The following MUC17 variants were observed in gnomAD, a reference collection of about 807,000 sequenced individuals.
MUC17 encodes mucin-17.
MUC17 carries 190 observed loss-of-function variants against 170.3 expected under a neutral mutation model. That is an observed-to-expected ratio of 1.12 (90% CI 0.99 to 1.26). MUC17 has a LOEUF of 1.26. MUC17 is among the 50% of genes most tolerant of loss of function. The pLI, the probability that MUC17 is intolerant of heterozygous loss-of-function variation, is 0.00. For synonymous variants in MUC17, 2,325 were observed against 2,002.5 expected, an observed-to-expected ratio of 1.16 and a Z score of -4.30; for missense variants, 6,415 against 5,530.0, an observed-to-expected ratio of 1.16 and a Z score of -5.08.
intron 1 of MUC17, among the ~76,000 whole-genome samples, chr7:101,023,486 A>G (rs1794129650): frequency 6.6e-6 from 1 of 152,124 alleles, no homozygotes; most frequent in African/African-American, 2.4e-5. Flanking sequence ...TCCCAGGTTC[A>G]AGTGATTCTC....
At chr7:101,053,517 C>T (rs949900170) in intron 11 of MUC17, 81 bp downstream of exon 11, 4 of 1,145,116 alleles carry the variant, frequency 3.5e-6, no homozygotes, top group African/African-American at 3.1e-5. Flanking sequence ...TCTGTAATCC[C>T]AGCACTTTGA....
Position 101,039,640 on chromosome 7 carries a change from C to A in MUC17, c.8224C>A (p.Arg2742=). The A allele has an allele frequency of 3.7e-6, 6 of 1,612,558 alleles. No homozygotes were observed. The highest frequency in any genetic ancestry group is 4.2e-6 in the Non-Finnish European group (5 of 1,179,584). ...TACAACTGCTGAAGGTACCAGCATG[C>A]GAATCTCAACTCCTAGTGATGGAAG... ...SPTTAEGTSM[R]ISTPSDGSTP... Residue 2742 remains arginine (R), a synonymous_variant, in exon 3 of 13, where the codon CGA becomes AGA. Coordinates refer to ENST00000306151, the MANE Select transcript of MUC17 (RefSeq NM_001040105.2).
At position 101,056,097 on chromosome 7, in the gene MUC17, A is replaced by T. The variant is rs1795038716; in HGVS notation, c.13364-97A>T. ...TTTGCAGTTTCCTAGGGGTAGAGAA[A>T]AACTGTCTCATCCTCCATCAGATGG... On this transcript the variant is annotated intron_variant, in intron 11 of 12. Transcript: ENST00000306151. 4 of 1,557,298 alleles carry T rather than the reference A, an allele frequency of 2.6e-6. No homozygotes were observed. The Admixed American group carries it at 5.4e-5, about 21-fold the overall frequency.
rs752257608 is a variant in MUC17, at chr7:101,041,278, G to A, written c.9862G>A (p.Val3288Ile). The stretch of plus-strand genomic sequence containing the variant: ...AAGCACTCCATTAACAAGTATGCCT[G>A]TCAGCACCACAACGGTGGCCAGTTC... ...EGSTPLTSMP[V>I]STTTVASSET... Residue 3288 changes from valine (V) to isoleucine (I), a missense_variant, in exon 3 of 13, where the codon GTC becomes ATC. Transcript: ENST00000306151. 1 of 1,609,740 alleles carries A rather than the reference G, an allele frequency of 6.2e-7. No individual in the cohort carries two copies. The highest frequency in any genetic ancestry group is 1.1e-5 in the South Asian group (1 of 90,762).
chr7:101,039,091 G>A lies in MUC17; in HGVS notation c.7675G>A (p.Ala2559Thr), dbSNP rs148952150. The A allele has an allele frequency of 5.1e-5, 83 of 1,613,030 alleles. No homozygotes were observed. Among genetic ancestry groups the A allele is most frequent in the Non-Finnish European group, 6.4e-5 (75 of 1,179,882 alleles). The change falls in exon 3 of 13, where the codon GCT becomes ACT. Residue 2559 changes from alanine (A) to threonine (T), a missense_variant. Coordinates refer to ENST00000306151, the MANE Select transcript of MUC17 (RefSeq NM_001040105.2). The stretch of plus-strand genomic sequence containing the variant: ...TGAAATCAGTTCATCTGCTACATCC[G>A]CTGAAGGTACCAGCATGCCTACCTC... ...STEISSSATS[A>T]EGTSMPTSTY...
At chr7:101,052,478 T>C (rs1193879409) in intron 9 of MUC17, among the ~76,000 whole-genome samples, 1 of 151,918 alleles carries the variant, frequency 6.6e-6, no homozygotes, top group Non-Finnish European at 1.5e-5. Context: ...AGTAGTTAAT[T>C]TGGGAAGGCT....
In MUC17 at chr7:101,033,413, C is replaced by G. The variant is rs1465920456; in HGVS notation, c.1997C>G (p.Ala666Gly). 6.2e-7 allele frequency: 1 copy of G among 1,613,348 alleles called. No homozygotes were observed. The highest frequency in any genetic ancestry group is 8.5e-7 in the Non-Finnish European group (1 of 1,179,666). Reference sequence around the variant, plus strand: ...ACTCCTGTGACCACTTCAACTGAAGCCACTTCATCTTCTACAACTGCGGAA... The same window carrying G: ...ACTCCTGTGACCACTTCAACTGAAGGCACTTCATCTTCTACAACTGCGGAA... ...SNTPVTTSTE[A>G]TSSSTTAEGT... Residue 666 changes from alanine (A) to glycine (G), a missense_variant, in exon 3 of 13, where the codon GCC becomes GGC. Physicochemically the swap from Ala to Gly is moderately conservative, Grantham distance 60. Coordinates refer to ENST00000306151, the MANE Select transcript of MUC17 (RefSeq NM_001040105.2).
intron 1 of MUC17, among the ~76,000 whole-genome samples, chr7:101,030,870 A>C (rs1401088861): frequency 2.0e-5 from 3 of 152,184 alleles, no homozygotes; most frequent in Non-Finnish European, 4.4e-5. Context: ...AAAGTGCTGG[A>C]ACTACGGGCA....
chr7:101,036,184 G>T lies in MUC17; in HGVS notation c.4768G>T (p.Ala1590Ser). 1.9e-6 allele frequency: 3 copies of T among 1,613,690 alleles called. No homozygotes were observed. Among genetic ancestry groups the T allele is most frequent in the Non-Finnish European group, 2.5e-6 (3 of 1,179,946 alleles). ...CACCATGCTGGTGGTCAGTTCTGAG[G>T]CTAACACCCTTTCAACAACCCCTAT... The part of the protein sequence containing the change: ...VSTMLVVSSE[A>S]NTLSTTPIDS... Residue 1590 changes from alanine (A) to serine (S), a missense_variant, in exon 3 of 13, where the codon GCT becomes TCT. Physicochemically the swap from Ala to Ser is moderately conservative, Grantham distance 99. Transcript: ENST00000306151.
In MUC17 at chr7:101,045,984, G is replaced by A. The variant is rs574222763; in HGVS notation, c.12404-2000G>A. ...AGACTGTTGAGCAATGGGTGAACGC[G>A]CCCCAGCATCTGCTTCTGTTGTTTC... On this transcript the variant is annotated intron_variant, in intron 3 of 12. Coordinates refer to ENST00000306151, the MANE Select transcript of MUC17 (RefSeq NM_001040105.2). Among the ~76,000 whole-genome samples, 7 of 152,266 alleles carry A rather than the reference G, an allele frequency of 4.6e-5. 1 individual carries two copies. The East Asian group carries it at 5.8e-4, about 13-fold the overall frequency.
In MUC17 at chr7:101,042,712, A is replaced by G; in HGVS notation, c.11296A>G (p.Thr3766Ala). Reference protein sequence around the residue: ...TTILVSTTPVTRFPESSTPSI... With the variant: ...TTILVSTTPVARFPESSTPSI... ...TATTCTTGTCAGTACCACACCTGTT[A>G]CGAGGTTTCCTGAGAGTAGCACCCC... The change falls in exon 3 of 13, where the codon ACG becomes GCG. Residue 3766 changes from threonine to alanine, a missense_variant. Physicochemically the swap from Thr to Ala is moderately conservative, Grantham distance 58. Coordinates refer to ENST00000306151, the MANE Select transcript of MUC17 (RefSeq NM_001040105.2). 1 of 1,613,856 alleles carries G rather than the reference A, an allele frequency of 6.2e-7. No individual in the cohort carries two copies. The highest frequency in any genetic ancestry group is 8.5e-7 in the Non-Finnish European group (1 of 1,180,030).
At position 101,033,694 on chromosome 7, in the gene MUC17, A is replaced by T; in HGVS notation, c.2278A>T (p.Thr760Ser). 1.2e-6 allele frequency: 2 copies of T among 1,600,628 alleles called. No homozygotes were observed. The highest frequency in any genetic ancestry group is 2.3e-5 in the East Asian group (1 of 44,240). ...TATGCCTGTCAGCAAAACGCTGTTG[A>T]CCAGTTCTGAGGCTAGCACCCTTTC... ...TSMPVSKTLLTSSEASTLSTT... is the reference protein window; with the variant it reads ...TSMPVSKTLLSSSEASTLSTT... The change falls in exon 3 of 13, where the codon ACC (threonine) becomes TCC (serine). Residue 760 changes from threonine (T) to serine (S), a missense_variant. Coordinates refer to ENST00000306151, the MANE Select transcript of MUC17 (RefSeq NM_001040105.2).
chr7:101,050,687 A>G (rs771271728), intron 7 of MUC17, 52 bp downstream of exon 7: 2 of 1,587,332 alleles, frequency 1.3e-6, no homozygotes, highest in East Asian at 4.5e-5. Context: ...GAGCTGGGGC[A>G]TGACTTTCTT....
chr7:101,030,982 G>T, intron 1 of MUC17, 138 bp from the exon 2 acceptor site: 1 of 1,073,992 alleles, frequency 9.3e-7, no homozygotes, highest in South Asian at 2.2e-5. Flanking sequence ...GGGTCCTGAT[G>T]GCTGATTTCT....
Position 101,035,180 on chromosome 7 carries a change from A to G in MUC17, c.3764A>G (p.Glu1255Gly), listed in dbSNP as rs1356602507. ...AGCACACCTGTGACCACTTCTGCTG[A>G]AACCAGTTCCTCTCCTACAACCGCT... The part of the protein sequence containing the change: ...DTSTPVTTSA[E>G]TSSSPTTAEG... Residue 1255 changes from glutamate to glycine, a missense_variant, in exon 3 of 13, where the codon GAA becomes GGA. Glu to Gly is a moderately conservative substitution (Grantham distance 98). Transcript: ENST00000306151. 1 of 1,610,522 alleles carries G rather than the reference A, an allele frequency of 6.2e-7. No individual in the cohort carries two copies. Among genetic ancestry groups the G allele is most frequent in the South Asian group, 1.1e-5 (1 of 90,538 alleles).
At chr7:101,030,687 G>T (rs1218814852) in intron 1 of MUC17, among the ~76,000 whole-genome samples, 1 of 152,116 alleles carries the variant, frequency 6.6e-6, no homozygotes, top group African/African-American at 2.4e-5. Flanking sequence ...TCCTGCCTCA[G>T]CCTCCTGGGT....
At chr7:101,031,082 A>G (rs1172555531) in intron 1 of MUC17, 38 bp from the exon 2 acceptor site, 2 of 1,580,628 alleles carry the variant, frequency 1.3e-6, no homozygotes, top group South Asian at 1.2e-5. Context: ...AAGGAAGATC[A>G]TGGCTCTGGG....
chr7:101,044,520 ACTCT>A (rs751144453), intron 3 of MUC17, among the ~76,000 whole-genome samples: 6 of 152,028 alleles, frequency 3.9e-5, no homozygotes, highest in South Asian at 2.1e-4. Context: ...CTGTCTCAGC[ACTCT>A]CTCACTTCTC....
At chr7:101,023,406 TAA>T (rs1584853995) in intron 1 of MUC17, among the ~76,000 whole-genome samples, 1 of 152,130 alleles carries the variant, frequency 6.6e-6, no homozygotes, top group African/African-American at 2.4e-5. Context: ...TATATTTTTT[TAA>T]GACATGGTCT....
Sources: gnomAD v4.1 joint callset for allele counts (sites outside exome capture counted in the v4.1 genomes callset) on GRCh38, gnomAD v4.1.1 for gene constraint, MANE v1.5 for transcripts, NCBI Gene and HGNC (gene_info 2026-07-23, HGNC 2026-07-21) for gene names.